The following PLEKHG1 variants were observed in gnomAD, a reference collection of about 807,000 sequenced individuals.
PLEKHG1 encodes pleckstrin homology and RhoGEF domain containing G1.
A neutral mutation model predicts 100.8 loss-of-function variants in PLEKHG1; 44 were observed. The ratio of observed to expected loss-of-function variants is 0.44; its 90% CI spans 0.34 to 0.56. PLEKHG1 has a LOEUF of 0.56. Ranked by LOEUF, PLEKHG1 falls within the 20% of genes least tolerant of loss-of-function variation. The pLI is 0.01. For synonymous variants in PLEKHG1, 640 were observed against 662.5 expected, an observed-to-expected ratio of 0.97 and a Z score of 0.52; for missense variants, 1,545 against 1,720.9, an observed-to-expected ratio of 0.90 and a Z score of 1.81.
At chr6:150,834,530 A>G (rs1361668742) in intron 15 of PLEKHG1, among the ~76,000 whole-genome samples, 2 of 152,238 alleles carry the variant, frequency 1.3e-5, no homozygotes, top group East Asian at 3.8e-4. Flanking sequence ...ACAAAGCTCC[A>G]ATCTTGACAG....
chr6:150,831,985 C>A lies in PLEKHG1; in HGVS notation c.2874C>A (p.Asp958Glu). 6.2e-7 allele frequency: 1 copy of A among 1,613,364 alleles called. No individual in the cohort carries two copies. The highest frequency in any genetic ancestry group is 8.5e-7 in the Non-Finnish European group (1 of 1,179,654). The change falls in exon 15 of 16, where the codon GAC (aspartate) becomes GAA (glutamate). Residue 958 changes from aspartate (D) to glutamate (E), a missense_variant. By Grantham distance (45) the Asp-to-Glu change is conservative. Coordinates refer to ENST00000358517, the Ensembl canonical transcript of PLEKHG1. The surrounding 1 kb of genome is among the most constrained non-coding windows in gnomAD (Gnocchi z 4.1). ...CCAACAGTGGCCTGTCTCAAACAGA[C>A]CCAGAAAACCCTGACCTGGGGATGG...
intron 3 of PLEKHG1, among the ~76,000 whole-genome samples, chr6:150,693,254 C>T (rs1780414611): frequency 6.6e-6 from 1 of 152,116 alleles, no homozygotes; most frequent in Non-Finnish European, 1.5e-5. Context: ...CGCCACTGCA[C>T]TCCAGCCTGG....
intron 2 of PLEKHG1, among the ~76,000 whole-genome samples, chr6:150,752,349 T>C (rs561359909): frequency 7.2e-5 from 11 of 152,314 alleles, no homozygotes; most frequent in Admixed American, 2.6e-4. Context: ...GCATTAAGTA[T>C]ATACACAATG....
chr6:150,694,009 G>A (rs2128594853), intron 3 of PLEKHG1, among the ~76,000 whole-genome samples: 1 of 152,338 alleles, frequency 6.6e-6, no homozygotes, highest in East Asian at 1.9e-4. Flanking sequence ...CTTCATCTTT[G>A]TATATGCTTC....
intron 2 of PLEKHG1, among the ~76,000 whole-genome samples, chr6:150,747,219 A>T (rs1244879626): frequency 3.3e-5 from 5 of 152,254 alleles, no homozygotes; most frequent in Non-Finnish European, 7.3e-5. Flanking sequence ...ATTATCTTCT[A>T]AACACACCAG....
chr6:150,826,609 A>T (rs1162256680), intron 14 of PLEKHG1, among the ~76,000 whole-genome samples: 3 of 152,138 alleles, frequency 2.0e-5, no homozygotes, highest in East Asian at 1.9e-4. Flanking sequence ...TTTTACCATG[A>T]CTTTCAGTAT....
chr6:150,726,904 A>G (rs551876312), intron 1 of PLEKHG1, among the ~76,000 whole-genome samples: 3 of 152,326 alleles, frequency 2.0e-5, no homozygotes, highest in South Asian at 2.1e-4. Context: ...ATATAAATGT[A>G]TATTTTTTAA....
intron 14 of PLEKHG1, among the ~76,000 whole-genome samples, chr6:150,826,999 C>T (rs920273270): frequency 2.7e-5 from 4 of 149,410 alleles, no homozygotes; most frequent in Admixed American, 1.3e-4. Context: ...CCCTTTCTTT[C>T]CTTCCTTTCC....
intron 1 of PLEKHG1, among the ~76,000 whole-genome samples, chr6:150,635,527 TCTTCA>T (rs1207725480): frequency 6.6e-6 from 1 of 152,206 alleles, no homozygotes; most frequent in African/African-American, 2.4e-5. Flanking sequence ...ATCTCAGCTG[TCTTCA>T]CTTATAGGAC....
intron 2 of PLEKHG1, among the ~76,000 whole-genome samples, chr6:150,752,848 G>A (rs911986706): frequency 3.3e-5 from 5 of 151,862 alleles, no homozygotes; most frequent in African/African-American, 1.2e-4. Context: ...ACAGTGGCTC[G>A]TGCCTGTAAT....
At chr6:150,768,587 G>C in intron 2 of PLEKHG1, 51 bp from the exon 4 acceptor site, 1 of 945,384 alleles carries the variant, frequency 1.1e-6, no homozygotes, top group Non-Finnish European at 1.7e-6. Flanking sequence ...AATTAAAGAT[G>C]ACTTGGAAAG....
At chr6:150,832,068 A>G (rs1384307557) in exon 15 of PLEKHG1, 2 of 1,614,120 alleles carry the variant, frequency 1.2e-6, no homozygotes, top group African/African-American at 2.7e-5. Flanking sequence ...TACAGTCAGA[A>G]GATTAAGAAG....
In PLEKHG1 at chr6:150,831,226, A is replaced by G. The variant is rs751615247; in HGVS notation, c.2115A>G (p.Gln705=). 7 of 1,614,040 alleles carry G rather than the reference A, an allele frequency of 4.3e-6. No homozygotes were observed. The highest frequency in any genetic ancestry group is 4.2e-6 in the Non-Finnish European group (5 of 1,180,042). The change falls in exon 15 of 16, where the codon CAA becomes CAG. Residue 705 remains glutamine, a synonymous_variant. Coordinates refer to ENST00000358517, the Ensembl canonical transcript of PLEKHG1. The surrounding 1 kb of genome is among the most constrained non-coding windows in gnomAD (Gnocchi z 4.1). ...CAGAGTTAGCCTTCACAAAGAGGCA[A>G]GCTGGCCACAGTAAGGGCTCTCTTT... is the stretch of plus-strand genomic sequence containing the variant.
chr6:150,784,142 G>T lies in PLEKHG1; in HGVS notation c.513-2248G>T, dbSNP rs143971705. ...GGGTCTTGTCTCAGGAACCCCAGAG[G>T]TCGTTAGACCACACTTGGAGAACTG... On this transcript the variant is annotated intron_variant, in intron 3 of 15. Transcript: ENST00000358517. 4.7e-3 allele frequency among the ~76,000 whole-genome samples: 710 copies of T among 152,318 alleles called. 7 individuals are homozygous for T. Among genetic ancestry groups the T allele is most frequent in the Non-Finnish European group, 6.0e-3 (411 of 68,030 alleles).
chr6:150,669,529 C>T (rs1779515492), intron 3 of PLEKHG1, among the ~76,000 whole-genome samples: 1 of 151,410 alleles, frequency 6.6e-6, no homozygotes, highest in African/African-American at 2.4e-5. Flanking sequence ...TACTCGATGT[C>T]AAAGTTACTG....
intron 3 of PLEKHG1, among the ~76,000 whole-genome samples, chr6:150,781,770 T>A (rs1583117755): frequency 1.3e-5 from 2 of 151,874 alleles, no homozygotes; most frequent in African/African-American, 4.8e-5. Flanking sequence ...CCTTTCTTTT[T>A]CTTTTTCTTT....
upstream of PLEKHG1, among the ~76,000 whole-genome samples, chr6:150,717,744 C>T (rs537994765): frequency 4.7e-4 from 71 of 152,288 alleles, no homozygotes; most frequent in Admixed American, 1.6e-3. Flanking sequence ...TAACAAGGCA[C>T]GCGTGTGCAT....
intron 7 of PLEKHG1, 30 bp downstream of exon 8, chr6:150,804,771 G>C: frequency 6.2e-7 from 1 of 1,609,186 alleles, no homozygotes; most frequent in Non-Finnish European, 8.5e-7. Flanking sequence ...GTGCCCGGCA[G>C]GGTTGCAGGT....
chr6:150,772,972 TTTTAAC>T (rs1341564827), intron 3 of PLEKHG1, among the ~76,000 whole-genome samples: 2 of 152,234 alleles, frequency 1.3e-5, no homozygotes, highest in Admixed American at 6.5e-5. Context: ...GAGACATGCC[TTTTAAC>T]TTTAATTATG....
Sources: gnomAD v4.1 joint callset for allele counts (sites outside exome capture counted in the v4.1 genomes callset) on GRCh38, gnomAD v4.1.1 for gene constraint, Gnocchi (gnomAD v3.1) non-coding constraint, MANE v1.5 for transcripts, NCBI Gene and HGNC (gene_info 2026-07-23, HGNC 2026-07-21) for gene names.